Variants in ARHGAP10 observed in about 807,000 individuals in gnomAD.
ARHGAP10 encodes rho GTPase-activating protein 10.
In ARHGAP10, 87 loss-of-function variants were observed where a neutral mutation model predicts 108.6. The observed-to-expected ratio is 0.80, with a 90% CI of 0.67 to 0.96. The LOEUF (loss-of-function observed/expected upper bound fraction) is 0.96. Among genes scored for constraint, ARHGAP10 ranks in the 40% least tolerant of loss-of-function variants. The pLI, the probability that ARHGAP10 is intolerant of heterozygous loss-of-function variation, is 0.00. For missense variants in ARHGAP10, 939 were observed against 954.5 expected, an observed-to-expected ratio of 0.98 and a Z score of 0.21; for synonymous variants, 347 against 341.1, an observed-to-expected ratio of 1.02 and a Z score of -0.19.
chr4:147,927,100 C>T (rs1292968362), intron 13 of ARHGAP10, among the ~76,000 whole-genome samples: 1 of 152,088 alleles, frequency 6.6e-6, no homozygotes, highest in African/African-American at 2.4e-5. Flanking sequence ...CCACAGTGAG[C>T]ATGAGGAGAT....
chr4:147,951,854 A>G (rs1738615193), intron 15 of ARHGAP10, among the ~76,000 whole-genome samples: 1 of 152,154 alleles, frequency 6.6e-6, no homozygotes, highest in African/African-American at 2.4e-5. Context: ...TGATATATGT[A>G]TACCTCTGAA....
At chr4:147,848,510 C>T (rs998522653) in intron 4 of ARHGAP10, among the ~76,000 whole-genome samples, 3 of 152,218 alleles carry the variant, frequency 2.0e-5, no homozygotes, top group Non-Finnish European at 4.4e-5. Context: ...CTTGGGGGAT[C>T]TGACTACTGT....
At chr4:147,754,363 G>A (rs979240972) in intron 1 of ARHGAP10, among the ~76,000 whole-genome samples, 1 of 152,178 alleles carries the variant, frequency 6.6e-6, no homozygotes, top group Non-Finnish European at 1.5e-5. Context: ...ATGCACAGGA[G>A]GTGAAAGGGG....
At chr4:148,033,603 C>T (rs1728246186) in intron 19 of ARHGAP10, among the ~76,000 whole-genome samples, 1 of 152,168 alleles carries the variant, frequency 6.6e-6, no homozygotes, top group Non-Finnish European at 1.5e-5. Flanking sequence ...TATAAATACA[C>T]ATATACACAC....
chr4:148,035,565 T>C (rs1404590677), intron 19 of ARHGAP10, among the ~76,000 whole-genome samples: 1 of 152,242 alleles, frequency 6.6e-6, no homozygotes, highest in Non-Finnish European at 1.5e-5. Context: ...AGTTCCCATT[T>C]TGTCTTGCCA....
chr4:147,957,490 G>C (rs1379712144), intron 16 of ARHGAP10, among the ~76,000 whole-genome samples: 1 of 152,150 alleles, frequency 6.6e-6, no homozygotes, highest in Non-Finnish European at 1.5e-5. Flanking sequence ...TGGTTAAGCT[G>C]TCATTTTCCG....
chr4:147,736,478 C>A (rs1205461015), intron 1 of ARHGAP10, among the ~76,000 whole-genome samples: 4 of 150,982 alleles, frequency 2.6e-5, no homozygotes, highest in Admixed American at 2.6e-4. Flanking sequence ...CCTTGGTTTC[C>A]TTTTTTTTTG....
intron 1 of ARHGAP10, among the ~76,000 whole-genome samples, chr4:147,776,104 T>C (rs1048729893): frequency 6.6e-5 from 10 of 152,212 alleles, no homozygotes; most frequent in Admixed American, 6.5e-4. Context: ...TTGCAATCAT[T>C]TATGGCCTCC....
intron 1 of ARHGAP10, 74 bp downstream of exon 1, chr4:147,732,529 G>A (rs1032021586): frequency 3.2e-6 from 5 of 1,580,604 alleles, no homozygotes; most frequent in Non-Finnish European, 2.6e-6. Context: ...GGCAGGAGAC[G>A]GAGGGTCTTG....
intron 10 of ARHGAP10, among the ~76,000 whole-genome samples, chr4:147,894,724 GGTTT>G (rs1372086548): frequency 1.3e-5 from 2 of 152,074 alleles, no homozygotes; most frequent in African/African-American, 4.8e-5. Flanking sequence ...TGAGGGTTGA[GGTTT>G]GTTTATTTTT....
chr4:147,993,378 TATTC>T (rs1459590629), intron 18 of ARHGAP10, among the ~76,000 whole-genome samples: 1 of 152,268 alleles, frequency 6.6e-6, no homozygotes, highest in Non-Finnish European at 1.5e-5. Flanking sequence ...TTCATTATAT[TATTC>T]TTTTTCCTTA....
intron 13 of ARHGAP10, among the ~76,000 whole-genome samples, chr4:147,933,984 C>G (rs1055593832): frequency 2.6e-5 from 4 of 152,172 alleles, no homozygotes; most frequent in Non-Finnish European, 5.9e-5. Context: ...CTGGAAGCCT[C>G]AGGCTCCCAG....
At chr4:147,852,245 A>C (rs1003537537) in intron 4 of ARHGAP10, among the ~76,000 whole-genome samples, 1 of 152,192 alleles carries the variant, frequency 6.6e-6, no homozygotes, top group African/African-American at 2.4e-5. Context: ...AATAGTGCTA[A>C]GGCACTGGAT....
chr4:147,975,044 C>T (rs926238057), intron 18 of ARHGAP10, among the ~76,000 whole-genome samples: 1 of 152,184 alleles, frequency 6.6e-6, no homozygotes, highest in Non-Finnish European at 1.5e-5. Flanking sequence ...CACAGCCAAA[C>T]CATATCATAG....
intron 1 of ARHGAP10, among the ~76,000 whole-genome samples, chr4:147,759,583 C>T (rs1017573085): frequency 8.4e-6 from 1 of 118,904 alleles, no homozygotes; most frequent in Admixed American, 7.6e-5. Context: ...ATACACCGCC[C>T]CCCCCCCCCT....
intron 1 of ARHGAP10, among the ~76,000 whole-genome samples, chr4:147,758,467 TATTC>T (rs1729466483): frequency 6.6e-6 from 1 of 152,142 alleles, no homozygotes. Context: ...TTTTAGAACA[TATTC>T]ATCACCCCAG....
Position 147,954,595 on chromosome 4 carries a change from T to A in ARHGAP10, c.1392-721T>A, listed in dbSNP as rs76960646. On this transcript the variant is annotated intron_variant, in intron 15 of 22. Transcript: ENST00000336498. ...AAAAGTTCTTAATATCTTGCGAGAT[T>A]ACCCTCCAGAAAGGCTGTACAGACC... 5.3e-4 allele frequency among the ~76,000 whole-genome samples: 81 copies of A among 152,158 alleles called. 1 individual carries two copies. In the East Asian group the frequency reaches 0.014, roughly 27 times the overall value.
At chr4:147,834,831 T>C (rs1733100909) in intron 3 of ARHGAP10, among the ~76,000 whole-genome samples, 1 of 145,906 alleles carries the variant, frequency 6.9e-6, no homozygotes, top group Admixed American at 7.1e-5. Flanking sequence ...CCTGCATCAC[T>C]GTCTGATGGC....
At chr4:147,951,247 C>T (rs1738587529) in intron 15 of ARHGAP10, among the ~76,000 whole-genome samples, 1 of 152,012 alleles carries the variant, frequency 6.6e-6, no homozygotes, top group Non-Finnish European at 1.5e-5. Flanking sequence ...CCCTCGACCC[C>T]ACTTTTCTTT....
Sources: allele counts gnomAD v4.1 joint callset (sites outside exome capture counted in the v4.1 genomes callset), GRCh38; gene constraint gnomAD v4.1.1; transcripts MANE v1.5; gene names NCBI Gene and HGNC (gene_info 2026-07-23, HGNC 2026-07-21).